The following UMODL1 variants were observed in gnomAD, a reference collection of about 807,000 sequenced individuals.
UMODL1 encodes uromodulin-like 1.
Under a neutral mutation model 136.3 loss-of-function variants are expected in UMODL1, and 128 were observed. The ratio of observed to expected loss-of-function variants is 0.94; its 90% confidence interval spans 0.81 to 1.09. The LOEUF (loss-of-function observed/expected upper bound fraction) is 1.09. Among genes scored for constraint, UMODL1 ranks in the 50% least tolerant of loss-of-function variants. The pLI is 0.00. For missense variants in UMODL1, 1,766 were observed against 1,725.6 expected (o/e 1.02, Z -0.41); for synonymous variants, 721 against 720.0 (o/e 1.00, Z -0.02).
chr21:42,062,993 C>A (rs928477252), exon 1 of UMODL1: 1 of 152,278 alleles, frequency 6.6e-6, no homozygotes, highest in South Asian at 2.1e-4. Context: ...AGGGAGAAAC[C>A]GTCCCCTGCC....
intron 21 of UMODL1, among the ~76,000 whole-genome samples, chr21:42,133,844 G>T (rs1193962543): frequency 6.6e-6 from 1 of 152,158 alleles, no homozygotes; most frequent in Non-Finnish European, 1.5e-5. Flanking sequence ...TCCAAATAAG[G>T]CCATGCCCCA....
rs1259984346 is a variant in UMODL1 at position 42,111,488 on chromosome 21, C to T, written c.1900-18C>T. ...CCCTCCTGGGGCCACAGATGGCCCA[C>T]TGGCCCTCCCTGGACAGCTACAGGG... On this transcript the variant is annotated intron_variant, in intron 11 of 22. Transcript: ENST00000408910. The T allele has an allele frequency of 6.2e-7, 1 of 1,613,780 alleles. No individual in the cohort carries two copies. The highest frequency in any genetic ancestry group is 2.2e-5 in the East Asian group (1 of 44,878).
At chr21:42,107,900 C>G (rs2066744810) in intron 9 of UMODL1, among the ~76,000 whole-genome samples, 1 of 152,206 alleles carries the variant, frequency 6.6e-6, no homozygotes, top group African/African-American at 2.4e-5. Flanking sequence ...AGCCCTTGTC[C>G]CAGCTGCGGG....
At chr21:42,097,036 A>C (rs2066566820) in intron 6 of UMODL1, among the ~76,000 whole-genome samples, 1 of 152,162 alleles carries the variant, frequency 6.6e-6, no homozygotes, top group Admixed American at 6.5e-5. Context: ...GGTGCCACCC[A>C]CAATCTCAGG....
rs118103260 is a variant in UMODL1, at chr21:42,135,185, T to C, written c.3776-2254T>C. ...ACGGTCACGATGCATACACAGCTCA[T>C]GCCACACGCATGGAGCCTCCCTGAA... On this transcript the variant is annotated intron_variant, in intron 21 of 22. Transcript: ENST00000408910. Among the ~76,000 whole-genome samples, 289 of 152,362 alleles carry C rather than the reference T, an allele frequency of 1.9e-3. 5 individuals carry two copies. The East Asian group carries it at 0.048, about 25-fold the overall frequency.
Position 42,129,715 on chromosome 21 carries a change from T to C in UMODL1, c.3693T>C (p.Asn1231=), listed in dbSNP as rs551175110. Residue 1231 remains asparagine (N), a splice_region_variant and synonymous_variant, in exon 21 of 23, where the codon AAT becomes AAC. Coordinates refer to ENST00000408910, the MANE Select transcript of UMODL1 (RefSeq NM_001004416.3). ...MESPGATCKI[N]CNNFRLLQNS... is the part of the protein sequence containing the mutation. ...TCTTCTTGGAAAAAAAAAAACAGAA[T>C]TGCAATAACTTTCGGTTGCTGCAAA... The C allele has an allele frequency of 2.5e-6, 4 of 1,572,680 alleles. No individual in the cohort carries two copies. In the East Asian group the frequency reaches 6.8e-5, roughly 27 times the overall value.
chr21:42,069,229 A>AACACACAC (rs61712292), upstream of UMODL1, among the ~76,000 whole-genome samples: 5,289 of 136,288 alleles, frequency 0.039, 131 homozygotes, highest in Non-Finnish European at 0.048. Context: ...CACAGACAGA[A>AACACACAC]ACACACACAC....
intron 7 of UMODL1, 165 bp from the exon 8 acceptor site, chr21:42,102,001 C>T (rs762609835): frequency 2.0e-5 from 11 of 559,666 alleles, no homozygotes; most frequent in South Asian, 4.2e-5. Flanking sequence ...TTTATTCTCT[C>T]GTTTCTTACA....
At position 42,111,066 on chromosome 21, in the gene UMODL1, G is replaced by A; in HGVS notation, c.1844G>A (p.Gly615Asp). 4.3e-6 allele frequency: 7 copies of A among 1,613,420 alleles called. No homozygotes were observed. The highest frequency in any genetic ancestry group is 1.3e-5 in the African/African-American group (1 of 75,060). ...WTPEPSPRRG[G>D]SNVVGYDRNN... ...CCAGAGCCCTCACCCAGAAGAGGGGGCAGCAATGTGGTCGGGTATGACAGG... is the reference window on the plus strand; with the variant it reads ...CCAGAGCCCTCACCCAGAAGAGGGGACAGCAATGTGGTCGGGTATGACAGG... Residue 615 changes from glycine to aspartate, a missense_variant, in exon 11 of 23, where the codon GGC (glycine) becomes GAC (aspartate). Coordinates refer to ENST00000408910, the MANE Select transcript of UMODL1 (RefSeq NM_001004416.3).
At chr21:42,128,418 A>G (rs893309089) in intron 20 of UMODL1, among the ~76,000 whole-genome samples, 1 of 152,226 alleles carries the variant, frequency 6.6e-6, no homozygotes, top group African/African-American at 2.4e-5. Context: ...GGCAGGGGAC[A>G]GCTTAGGGAG....
At chr21:42,067,631 G>T (rs1042449202), upstream of UMODL1, among the ~76,000 whole-genome samples, 1 of 152,192 alleles carries the variant, frequency 6.6e-6, no homozygotes. Flanking sequence ...CGGCACGTGC[G>T]TGTCCACTGC....
intron 2 of UMODL1, among the ~76,000 whole-genome samples, chr21:42,076,502 C>T (rs1459138079): frequency 6.6e-6 from 1 of 152,162 alleles, no homozygotes; most frequent in Admixed American, 6.5e-5. Flanking sequence ...ACGCTGCTGG[C>T]CCAGGGACCC....
intron 22 of UMODL1, among the ~76,000 whole-genome samples, chr21:42,138,431 T>G (rs543914490): frequency 5.6e-4 from 85 of 152,114 alleles, no homozygotes; most frequent in Non-Finnish European, 8.7e-4. Context: ...TGAAGATGCT[T>G]CTCTGATCTG....
intron 12 of UMODL1, among the ~76,000 whole-genome samples, chr21:42,112,247 T>A (rs561521175): frequency 3.0e-4 from 46 of 151,392 alleles, no homozygotes; most frequent in South Asian, 6.2e-4. Flanking sequence ...CCCCAGCTTT[T>A]CTGCACCCCC....
At chr21:42,128,132 CTAGTGCTTCTAAGGTGATTTA>C in intron 20 of UMODL1, 1 of 523,100 alleles carries the variant, frequency 1.9e-6, no homozygotes, top group South Asian at 1.6e-5. Context: ...GCCATGATAC[CTAGTGCTTCTAAGGTGATTTA>C]TAGGTGTAAA....
intron 9 of UMODL1, among the ~76,000 whole-genome samples, chr21:42,106,504 C>G (rs900133070): frequency 2.0e-5 from 3 of 152,218 alleles, no homozygotes; most frequent in Non-Finnish European, 2.9e-5. Flanking sequence ...AGGCGCTGTT[C>G]GCCCGTGGAG....
chr21:42,073,118 C>T (rs1021160514), intron 1 of UMODL1, among the ~76,000 whole-genome samples: 1 of 152,180 alleles, frequency 6.6e-6, no homozygotes, highest in African/African-American at 2.4e-5. Context: ...GGGGCCCTGG[C>T]ACCTCTCTAG....
intron 9 of UMODL1, among the ~76,000 whole-genome samples, chr21:42,104,586 A>G (rs992069515): frequency 1.3e-5 from 2 of 151,654 alleles, no homozygotes; most frequent in African/African-American, 2.4e-5. Context: ...AGTAGCTGGG[A>G]TTATAGGCGC....
At chr21:42,071,518 C>A in intron 1 of UMODL1, 126 bp downstream of exon 1, 1 of 998,926 alleles carries the variant, frequency 1.0e-6, no homozygotes. Flanking sequence ...GAGGCGACAT[C>A]TGTTCTTTTG....
Sources: gnomAD v4.1 joint callset for allele counts (sites outside exome capture counted in the v4.1 genomes callset) on GRCh38, gnomAD v4.1.1 for gene constraint, MANE v1.5 for transcripts, NCBI Gene and HGNC (gene_info 2026-07-23, HGNC 2026-07-21) for gene names.